The following MSRA variants were observed in gnomAD, a reference collection of about 807,000 sequenced individuals.
MSRA encodes the protein methionine sulfoxide reductase A, also known as mitochondrial peptide methionine sulfoxide reductase.
A neutral mutation model predicts 31.3 loss-of-function variants in MSRA; 54 were observed. That is an observed-to-expected ratio of 1.73 (90% CI 1.39 to 2.17). The LOEUF (loss-of-function observed/expected upper bound fraction) is 2.17. Ranked by LOEUF, MSRA falls within the 30% of genes most tolerant of loss-of-function variation. MSRA has a pLI of 0.00. For synonymous variants in MSRA, 169 were observed against 116.5 expected (o/e 1.45, Z -2.90); for missense variants, 507 against 300.9 (o/e 1.69, Z -5.07).
chr8:10,155,893 G>A (rs912437118), intron 1 of MSRA, among the ~76,000 whole-genome samples: 4 of 152,166 alleles, frequency 2.6e-5, no homozygotes, highest in Non-Finnish European at 5.9e-5. Flanking sequence ...TAACCTTAAT[G>A]TAATCAACTG....
At position 10,278,095 on chromosome 8, in the gene MSRA, CATTT is replaced by C. The variant is rs563245375; in HGVS notation, c.332-23427_332-23424del. 3.5e-3 allele frequency among the ~76,000 whole-genome samples: 539 copies of C among 152,120 alleles called. 2 individuals carry two copies. The highest frequency in any genetic ancestry group is 0.013 in the African/African-American group (519 of 41,480). ...TTAAACACTTTATTATCACTTGAGGCATTTATTTATTTATTCTACAGATATCATT... is the reference window on the plus strand; with the variant it reads ...TTAAACACTTTATTATCACTTGAGGCATTTATTTATTCTACAGATATCATT... On this transcript the variant is annotated intron_variant, in intron 3 of 5. Transcript: ENST00000317173.
At chr8:10,131,104 A>C (rs1337223259) in intron 1 of MSRA, among the ~76,000 whole-genome samples, 2 of 152,050 alleles carry the variant, frequency 1.3e-5, no homozygotes, top group Non-Finnish European at 2.9e-5. Flanking sequence ...TTTCTTATTT[A>C]TTTCCTTCTC....
Position 10,391,691 on chromosome 8 carries a change from C to T in MSRA, c.544-36457C>T, listed in dbSNP as rs898467879. 2.6e-5 allele frequency among the ~76,000 whole-genome samples: 4 copies of T among 152,176 alleles called. No homozygotes were observed. In the East Asian group the frequency reaches 5.8e-4, roughly 22 times the overall value. Reference sequence around the variant, plus strand: ...TGGGCTAGGAGTCGGTTCTTCTACACGAGCACGCCTAACAGCTCTGCCACC... The same window carrying T: ...TGGGCTAGGAGTCGGTTCTTCTACATGAGCACGCCTAACAGCTCTGCCACC... On this transcript the variant is annotated intron_variant, in intron 5 of 5. Coordinates refer to ENST00000317173, the MANE Select transcript of MSRA (RefSeq NM_012331.5).
At chr8:10,293,243 G>T (rs557294535) in intron 3 of MSRA, among the ~76,000 whole-genome samples, 2 of 152,160 alleles carry the variant, frequency 1.3e-5, no homozygotes, top group African/African-American at 4.8e-5. Context: ...CCATCCCTAT[G>T]ATGGGCCAGC....
chr8:10,186,639 C>G (rs1807080081), intron 1 of MSRA, among the ~76,000 whole-genome samples: 1 of 152,088 alleles, frequency 6.6e-6, no homozygotes, highest in Non-Finnish European at 1.5e-5. Context: ...TGTGTTAGTT[C>G]TCCTGAAAGC....
chr8:10,109,251 G>C (rs989603117), intron 1 of MSRA, among the ~76,000 whole-genome samples: 28 of 152,134 alleles, frequency 1.8e-4, no homozygotes, highest in Admixed American at 5.2e-4. Context: ...TTTTTACCTA[G>C]TGCTTAATTT....
chr8:10,383,343 C>T (rs17151875), intron 5 of MSRA, among the ~76,000 whole-genome samples: 1,538 of 152,226 alleles, frequency 0.01, 27 homozygotes, highest in African/African-American at 0.035. Flanking sequence ...GAAGAGGTTC[C>T]GGTTCACCTC....
At chr8:10,102,488 T>A (rs1698507572) in intron 1 of MSRA, among the ~76,000 whole-genome samples, 2 of 152,212 alleles carry the variant, frequency 1.3e-5, no homozygotes, top group Admixed American at 1.3e-4. Flanking sequence ...TTTCTGTTTT[T>A]AAAATTTGTT....
intron 1 of MSRA, among the ~76,000 whole-genome samples, chr8:10,070,724 C>G (rs558530813): frequency 3.9e-5 from 6 of 152,310 alleles, no homozygotes; most frequent in Non-Finnish European, 8.8e-5. Context: ...TTCATCATTT[C>G]AAGGATTTTA....
intron 1 of MSRA, among the ~76,000 whole-genome samples, chr8:10,198,966 T>C (rs1403834234): frequency 1.3e-5 from 2 of 152,208 alleles, no homozygotes; most frequent in Non-Finnish European, 2.9e-5. Context: ...CTCGGCATTG[T>C]TTTCGCAAGT....
intron 3 of MSRA, 128 bp downstream of exon 3, chr8:10,245,351 G>GTA (rs1344330668): frequency 1.5e-5 from 13 of 886,252 alleles, no homozygotes; most frequent in South Asian, 1.9e-5. Context: ...TTTATTATTT[G>GTA]TATATATATA....
At chr8:10,057,979 G>A (rs959847867) in intron 1 of MSRA, among the ~76,000 whole-genome samples, 1 of 152,174 alleles carries the variant, frequency 6.6e-6, no homozygotes, top group East Asian at 1.9e-4. Context: ...TCTGTGTTTG[G>A]GAATGAATCT....
Position 10,406,025 on chromosome 8 carries a change from C to T in MSRA, c.544-22123C>T, listed in dbSNP as rs534243673. On this transcript the variant is annotated intron_variant, in intron 5 of 5. Transcript: ENST00000317173. ...CTGTCCTCCAGGGTAGGGCTGCCTG[C>T]AGTGAGTGTGCTTTCCATGAGCTGA... Among the ~76,000 whole-genome samples the T allele has an allele frequency of 1.5e-4, 23 of 152,372 alleles. No individual in the cohort carries two copies. The East Asian group carries it at 4.4e-3, about 29-fold the overall frequency.
intron 2 of MSRA, among the ~76,000 whole-genome samples, chr8:10,221,086 C>T (rs547726564): frequency 6.6e-6 from 1 of 152,184 alleles, no homozygotes; most frequent in Admixed American, 6.5e-5. Context: ...GGGGAAAGCC[C>T]AATAGCATGG....
At chr8:10,362,923 T>G (rs1267199476) in intron 5 of MSRA, among the ~76,000 whole-genome samples, 1 of 152,132 alleles carries the variant, frequency 6.6e-6, no homozygotes, top group African/African-American at 2.4e-5. Flanking sequence ...ACTCAACTGC[T>G]TAAATGTCAT....
At chr8:10,208,025 A>T in intron 2 of MSRA, 124 bp downstream of exon 2, 1 of 672,864 alleles carries the variant, frequency 1.5e-6, no homozygotes, top group Non-Finnish European at 2.5e-6. Flanking sequence ...ACAAGTTGTT[A>T]CAGCCAAGAA....
intron 1 of MSRA, among the ~76,000 whole-genome samples, chr8:10,088,680 G>A (rs1478461495): frequency 6.6e-6 from 1 of 151,962 alleles, no homozygotes; most frequent in Non-Finnish European, 1.5e-5. Flanking sequence ...AGGTTGCAGT[G>A]AGCTGAGATC....
At chr8:10,239,464 A>G (rs913144302) in intron 2 of MSRA, among the ~76,000 whole-genome samples, 3 of 152,152 alleles carry the variant, frequency 2.0e-5, no homozygotes, top group African/African-American at 7.2e-5. Context: ...CTGGCTCGAA[A>G]TATGATTTTA....
chr8:10,132,108 A>G (rs1315028887), intron 1 of MSRA, among the ~76,000 whole-genome samples: 2 of 152,156 alleles, frequency 1.3e-5, no homozygotes, highest in Admixed American at 1.3e-4. Context: ...TGCCAATACA[A>G]TTCTCAAGGT....
Sources: allele counts gnomAD v4.1 joint callset (sites outside exome capture counted in the v4.1 genomes callset), GRCh38; gene constraint gnomAD v4.1.1; transcripts MANE v1.5; gene names NCBI Gene and HGNC (gene_info 2026-07-23, HGNC 2026-07-21).